The following MGAT4C variants were observed in gnomAD, a reference collection of about 807,000 sequenced individuals.
The protein encoded by MGAT4C is MGAT4 family member C, also known as alpha-1,3-mannosyl-glycoprotein 4-beta-N-acetylglucosaminyltransferase C.
In MGAT4C, 19 loss-of-function variants were observed where a neutral mutation model predicts 40.1. That is an observed-to-expected ratio of 0.47 (90% CI 0.33 to 0.70). The LOEUF (loss-of-function observed/expected upper bound fraction) is 0.70, where lower values mean the gene tolerates loss of function less well. Among genes scored for constraint, MGAT4C ranks in the 30% least tolerant of loss-of-function variants. The pLI, the probability that MGAT4C is intolerant of heterozygous loss-of-function variation, is 0.02. For synonymous variants in MGAT4C, 181 were observed against 187.1 expected (o/e 0.97, Z 0.27); for missense variants, 491 against 563.2 (o/e 0.87, Z 1.30).
At chr12:86,651,771 A>G (rs1219677597) in intron 2 of MGAT4C, among the ~76,000 whole-genome samples, 2 of 151,856 alleles carry the variant, frequency 1.3e-5, no homozygotes, top group East Asian at 3.9e-4. Context: ...ATTTAGACTA[A>G]CACTGTAATC....
intron 2 of MGAT4C, among the ~76,000 whole-genome samples, chr12:86,696,929 C>T (rs1042106674): frequency 1.3e-5 from 2 of 152,048 alleles, no homozygotes; most frequent in African/African-American, 4.8e-5. Context: ...CATTAGAAGA[C>T]AACCCGTTCC....
intron 1 of MGAT4C, among the ~76,000 whole-genome samples, chr12:86,063,802 G>A (rs1397893766): frequency 6.6e-6 from 1 of 152,234 alleles, no homozygotes; most frequent in African/African-American, 2.4e-5. Flanking sequence ...AAGAGACAAA[G>A]AAGGGCATTA....
intron 3 of MGAT4C, among the ~76,000 whole-genome samples, chr12:86,411,166 T>A (rs1181155955): frequency 1.3e-5 from 2 of 152,060 alleles, no homozygotes; most frequent in Non-Finnish European, 2.9e-5. Context: ...CAAAAAAAGG[T>A]AGTGGGAGTG....
In MGAT4C at chr12:85,958,620, T is replaced by A. The variant is rs985819325; in HGVS notation, c.*20669A>T. The stretch of plus-strand genomic sequence containing the variant: ...TGTTAAATAAACAAAGTTAATTTTA[T>A]CTACCTGTTCAGTAAGTGTTGGCAA... On this transcript the variant is annotated 3_prime_UTR_variant, in exon 5 of 5. Coordinates refer to ENST00000611864, the MANE Select transcript of MGAT4C (RefSeq NM_001351288.2). 6.6e-6 allele frequency: 1 copy of A among 152,150 alleles called. No individual in the cohort carries two copies. The highest frequency in any genetic ancestry group is 1.5e-5 in the Non-Finnish European group (1 of 68,014). 9.4% of individuals were successfully genotyped at this position (152,150 alleles called of 1,614,324 possible). A position where few individuals can be genotyped will look rare whatever the true frequency, so the allele number is the denominator to read the frequency against.
rs532430881 is a variant in MGAT4C at position 86,396,090 on chromosome 12, T to C, written c.-120+39067A>G. The stretch of plus-strand genomic sequence containing the variant: ...GGTAATAACTATCATTCAACAACAA[T>C]ACTTTGGATTCTGTAAAAAATCTAA... On this transcript the variant is annotated intron_variant, in intron 3 of 7. Transcript: ENST00000548651. Among the ~76,000 whole-genome samples the C allele has an allele frequency of 7.6e-4, 115 of 152,260 alleles. 1 individual carries two copies. Among genetic ancestry groups the C allele is most frequent in the African/African-American group, 2.7e-3 (113 of 41,560 alleles).
intron 1 of MGAT4C, among the ~76,000 whole-genome samples, chr12:86,799,645 C>T (rs1565997743): frequency 6.6e-6 from 1 of 151,790 alleles, no homozygotes; most frequent in East Asian, 1.9e-4. Flanking sequence ...TTCTATGTGA[C>T]TTTTTTTATG....
At chr12:86,033,004 C>T (rs1890899028) in intron 2 of MGAT4C, among the ~76,000 whole-genome samples, 1 of 149,574 alleles carries the variant, frequency 6.7e-6, no homozygotes, top group South Asian at 2.1e-4. Flanking sequence ...TATCCCAGAA[C>T]CATTTGTTGA....
At chr12:86,335,981 C>A (rs1592711287) in intron 3 of MGAT4C, among the ~76,000 whole-genome samples, 1 of 152,240 alleles carries the variant, frequency 6.6e-6, no homozygotes, top group East Asian at 1.9e-4. Context: ...TTCTTTCTAA[C>A]AAAACCTTCC....
At chr12:86,351,308 T>G (rs2136192086) in intron 3 of MGAT4C, among the ~76,000 whole-genome samples, 1 of 152,144 alleles carries the variant, frequency 6.6e-6, no homozygotes, top group African/African-American at 2.4e-5. Flanking sequence ...CACCAATTTC[T>G]GTTACAAAAA....
rs564061763 is a variant in MGAT4C, at chr12:85,964,930, G to C, written c.*14359C>G. On this transcript the variant is annotated 3_prime_UTR_variant, in exon 5 of 5. Transcript: ENST00000611864. ...GATAGTGAGGCCCCAGAGAGCCCTC[G>C]AGAAATGCAAATAAACTATTACTGA... is the stretch of plus-strand genomic sequence containing the variant. 1 of 152,182 alleles carries C rather than the reference G, an allele frequency of 6.6e-6. No homozygotes were observed. Among genetic ancestry groups the C allele is most frequent in the East Asian group, 1.9e-4 (1 of 5,168 alleles). The allele number at this position is 152,182 out of a possible 1,614,324, so 9.4% of individuals were successfully genotyped here.
At chr12:86,597,756 C>T (rs964880574) in intron 2 of MGAT4C, among the ~76,000 whole-genome samples, 1 of 152,086 alleles carries the variant, frequency 6.6e-6, no homozygotes, top group African/African-American at 2.4e-5. Flanking sequence ...ATTCCCCTCT[C>T]AATCAATCAC....
intron 2 of MGAT4C, among the ~76,000 whole-genome samples, chr12:86,028,656 T>G (rs376993319): frequency 6.6e-6 from 1 of 151,958 alleles, no homozygotes; most frequent in Non-Finnish European, 1.5e-5. Flanking sequence ...GAGAAAGCTT[T>G]AGTAGAACAT....
At chr12:86,074,275 C>A (rs1033897180) in intron 1 of MGAT4C, among the ~76,000 whole-genome samples, 2 of 151,900 alleles carry the variant, frequency 1.3e-5, no homozygotes, top group Admixed American at 6.6e-5. Context: ...TCTTTATCAG[C>A]AGTGTGAAAA....
At chr12:86,441,176 G>C (rs955951414) in intron 2 of MGAT4C, among the ~76,000 whole-genome samples, 3 of 151,810 alleles carry the variant, frequency 2.0e-5, no homozygotes, top group African/African-American at 7.3e-5. Flanking sequence ...TAAGCAAAAA[G>C]AACAAATCTG....
chr12:86,385,472 G>A (rs996522017), intron 3 of MGAT4C, among the ~76,000 whole-genome samples: 2 of 152,080 alleles, frequency 1.3e-5, no homozygotes, highest in African/African-American at 4.8e-5. Flanking sequence ...GTCAGAGAAA[G>A]AAAAGAAAAT....
At chr12:86,549,874 C>A (rs1460552237) in intron 2 of MGAT4C, among the ~76,000 whole-genome samples, 7 of 152,164 alleles carry the variant, frequency 4.6e-5, no homozygotes, top group Non-Finnish European at 2.9e-5. Flanking sequence ...GACCCAGAGT[C>A]GGGAGTGAGT....
intron 4 of MGAT4C, among the ~76,000 whole-genome samples, chr12:86,278,050 G>T (rs1401233802): frequency 6.6e-6 from 1 of 151,744 alleles, no homozygotes; most frequent in Non-Finnish European, 1.5e-5. Flanking sequence ...CACTTTTGGT[G>T]TCCTCTTCAA....
intron 1 of MGAT4C, among the ~76,000 whole-genome samples, chr12:86,076,369 C>T (rs192200885): frequency 2.8e-4 from 42 of 152,296 alleles, no homozygotes; most frequent in African/African-American, 1.0e-3. Context: ...CAAACTTTTC[C>T]ACATTTTCCT....
chr12:86,272,217 TA>T lies in MGAT4C; in HGVS notation c.-57+61847del, dbSNP rs546267274. On this transcript the variant is annotated intron_variant, in intron 4 of 7. Transcript: ENST00000548651. ...CACATATCCCATAAATTTGTGTAAATAAAAAAATTATTTATTCGTAAGACTG... is the reference window on the plus strand; with the variant it reads ...CACATATCCCATAAATTTGTGTAAATAAAAAATTATTTATTCGTAAGACTG... Among the ~76,000 whole-genome samples the T allele has an allele frequency of 5.3e-5, 8 of 152,230 alleles. No homozygotes were observed. In the South Asian group the frequency reaches 1.5e-3, roughly 28 times the overall value.
Sources: allele counts gnomAD v4.1 joint callset (sites outside exome capture counted in the v4.1 genomes callset), GRCh38; gene constraint gnomAD v4.1.1; transcripts MANE v1.5; gene names NCBI Gene and HGNC (gene_info 2026-07-23, HGNC 2026-07-21).